The following FHIT variants were observed in gnomAD, a reference collection of about 807,000 sequenced individuals.
FHIT encodes the protein bis(5'-adenosyl)-triphosphatase.
Under a neutral mutation model 17.9 loss-of-function variants are expected in FHIT, and 19 were observed. The ratio of observed to expected loss-of-function variants is 1.06; its 90% CI spans 0.74 to 1.56. FHIT has a LOEUF of 1.56. FHIT is among the 40% of genes most tolerant of loss of function. The pLI is 0.00. For synonymous variants in FHIT, 81 were observed against 69.7 expected, an observed-to-expected ratio of 1.16 and a Z score of -0.81; for missense variants, 248 against 189.2, an observed-to-expected ratio of 1.31 and a Z score of -1.82.
chr3:61,136,827 A>G (rs766582437), intron 2 of FHIT, among the ~76,000 whole-genome samples: 1 of 152,232 alleles, frequency 6.6e-6, no homozygotes, highest in Non-Finnish European at 1.5e-5. Flanking sequence ...AGGAGAGGAC[A>G]ACATAGAAAC....
chr3:61,209,923 T>C (rs1051331370), intron 1 of FHIT, among the ~76,000 whole-genome samples: 14 of 152,320 alleles, frequency 9.2e-5, no homozygotes, highest in African/African-American at 3.4e-4. Flanking sequence ...CTGCTCTGTT[T>C]TTTCCCCATC....
At position 59,922,414 on chromosome 3, in the gene FHIT, G is replaced by A. The variant is rs1284563042; in HGVS notation, c.280C>T (p.His94Tyr). 2 of 1,612,540 alleles carry A rather than the reference G, an allele frequency of 1.2e-6. No individual in the cohort carries two copies. The highest frequency in any genetic ancestry group is 1.1e-5 in the South Asian group (1 of 90,966). Residue 94 changes from histidine to tyrosine, a missense_variant and splice_region_variant, in exon 8 of 10, where the codon CAC becomes TAC. By Grantham distance (83) the His-to-Tyr change is moderately conservative. Transcript: ENST00000492590. ...DGPEAGQTVK[H>Y]VHVHVLPRKA... Reference sequence around the variant, plus strand: ...CTGGGAAGAACATGGACGTGAACGTGCTGAAAATGTACAAGAAAGAAAAAA... The same window carrying A: ...CTGGGAAGAACATGGACGTGAACGTACTGAAAATGTACAAGAAAGAAAAAA...
At chr3:59,935,524 T>C (rs1006293210) in intron 7 of FHIT, among the ~76,000 whole-genome samples, 1 of 152,182 alleles carries the variant, frequency 6.6e-6, no homozygotes, top group African/African-American at 2.4e-5. Context: ...CTTCCACTAG[T>C]CTGGAACTCT....
chr3:61,246,876 A>T (rs986845055), intron 1 of FHIT, among the ~76,000 whole-genome samples: 2 of 152,218 alleles, frequency 1.3e-5, no homozygotes, highest in South Asian at 2.1e-4. Flanking sequence ...AAAAAAATTT[A>T]AAAAAAGAAA....
chr3:60,052,959 A>C (rs1406366322), intron 5 of FHIT, among the ~76,000 whole-genome samples: 3 of 151,976 alleles, frequency 2.0e-5, no homozygotes, highest in Non-Finnish European at 4.4e-5. Context: ...TAAAATATAA[A>C]ATTACACTTA....
In FHIT at chr3:60,009,164, TA is replaced by T. The variant is rs1362089203; in HGVS notation, c.279+2206del. Among the ~76,000 whole-genome samples the T allele has an allele frequency of 1.7e-3, 34 of 20,536 alleles. No individual in the cohort carries two copies. The East Asian group carries it at 0.1, about 61-fold the overall frequency. The allele number at this position is 20,536 out of a possible 152,430, so 13.5% of individuals were successfully genotyped here. A position where few individuals can be genotyped will look rare whatever the true frequency, so the allele number is the denominator to read the frequency against. ...GAACCTTCATTGTTCTCTGGGATTT[TA>T]TGTGTGTGTGTGTGTGTGTGTGTGT... On this transcript the variant is annotated intron_variant, in intron 7 of 9. Transcript: ENST00000492590.
At chr3:60,829,098 G>C (rs1702227131) in intron 3 of FHIT, among the ~76,000 whole-genome samples, 2 of 152,200 alleles carry the variant, frequency 1.3e-5, no homozygotes, top group East Asian at 3.9e-4. Flanking sequence ...CTACTGAATA[G>C]CTCAATTAAA....
chr3:61,177,050 G>A (rs1050640033), intron 2 of FHIT, among the ~76,000 whole-genome samples: 29 of 152,036 alleles, frequency 1.9e-4, no homozygotes, highest in Non-Finnish European at 4.1e-4. Context: ...GGCGGCGGGC[G>A]CCTGTAGTCC....
intron 4 of FHIT, among the ~76,000 whole-genome samples, chr3:60,817,916 T>C (rs1701795672): frequency 6.6e-6 from 1 of 152,024 alleles, no homozygotes; most frequent in Non-Finnish European, 1.5e-5. Flanking sequence ...GGTCCCTGAG[T>C]CTCTGTTTAT....
intron 5 of FHIT, among the ~76,000 whole-genome samples, chr3:60,303,668 C>A (rs544639564): frequency 2.3e-4 from 35 of 152,244 alleles, no homozygotes; most frequent in Non-Finnish European, 3.7e-4. Flanking sequence ...ATAAAGGTGC[C>A]ATAAGACAGC....
intron 4 of FHIT, among the ~76,000 whole-genome samples, chr3:60,792,861 T>G (rs1345041059): frequency 6.7e-6 from 1 of 150,008 alleles, no homozygotes; most frequent in Non-Finnish European, 1.5e-5. Flanking sequence ...TGAGAATTGA[T>G]GGTTTGTGTT....
intron 4 of FHIT, among the ~76,000 whole-genome samples, chr3:60,543,894 G>A (rs948528444): frequency 1.6e-5 from 2 of 124,850 alleles, no homozygotes; most frequent in Non-Finnish European, 3.2e-5. Context: ...ACAAGCGCCC[G>A]CACCACGCCC....
At chr3:60,834,850 G>C (rs1474710916) in intron 3 of FHIT, among the ~76,000 whole-genome samples, 4 of 146,066 alleles carry the variant, frequency 2.7e-5, no homozygotes, top group Non-Finnish European at 6.0e-5. Context: ...GGGGAACTGA[G>C]TGAGACACTG....
chr3:60,316,783 G>C (rs754391847), intron 5 of FHIT, among the ~76,000 whole-genome samples: 49 of 152,144 alleles, frequency 3.2e-4, no homozygotes, highest in Admixed American at 3.9e-4. Context: ...GAAAAGACTT[G>C]AAAAGACTTT....
chr3:60,102,808 A>G lies in FHIT; in HGVS notation c.104-88656T>C, dbSNP rs542802917. Among the ~76,000 whole-genome samples the G allele has an allele frequency of 4.6e-5, 7 of 152,256 alleles. No individual in the cohort carries two copies. In the South Asian group the frequency reaches 1.0e-3, roughly 23 times the overall value. ...TAACATAAAGAGAATGTGCAGGATAATTTTCAAAATAAAAGAGAAAAAAAT... is the reference window on the plus strand; with the variant it reads ...TAACATAAAGAGAATGTGCAGGATAGTTTTCAAAATAAAAGAGAAAAAAAT... On this transcript the variant is annotated intron_variant, in intron 5 of 9. Coordinates refer to ENST00000492590, the MANE Select transcript of FHIT (RefSeq NM_002012.4).
chr3:61,077,014 T>A (rs2034992104), intron 2 of FHIT, among the ~76,000 whole-genome samples: 1 of 152,156 alleles, frequency 6.6e-6, no homozygotes, highest in Admixed American at 6.5e-5. Flanking sequence ...ACAGGCAGGA[T>A]GAATGAGGCT....
At chr3:60,237,667 C>G (rs946490985) in intron 5 of FHIT, among the ~76,000 whole-genome samples, 2 of 152,182 alleles carry the variant, frequency 1.3e-5, no homozygotes, top group Admixed American at 6.5e-5. Flanking sequence ...AATTAAGAAA[C>G]TGCCCCATAC....
At position 60,806,495 on chromosome 3, in the gene FHIT, T is replaced by A. The variant is rs189904406; in HGVS notation, c.-18+15424A>T. Among the ~76,000 whole-genome samples the A allele has an allele frequency of 1.6e-3, 249 of 152,360 alleles. 3 individuals carry two copies. The highest frequency in any genetic ancestry group is 5.8e-3 in the African/African-American group (242 of 41,584). ...ATAATTCAAATTGCTGTTATCAGCA[T>A]ACACTATTTGTACTGATTTGACTTT... On this transcript the variant is annotated intron_variant, in intron 4 of 9. Coordinates refer to ENST00000492590, the MANE Select transcript of FHIT (RefSeq NM_002012.4).
chr3:60,316,081 A>G (rs1709152663), intron 5 of FHIT, among the ~76,000 whole-genome samples: 1 of 152,206 alleles, frequency 6.6e-6, no homozygotes. Context: ...GAAAAATCCT[A>G]TCAGGCAAAG....
Sources: gnomAD v4.1 joint callset for allele counts (sites outside exome capture counted in the v4.1 genomes callset) on GRCh38, gnomAD v4.1.1 for gene constraint, MANE v1.5 for transcripts, NCBI Gene and HGNC (gene_info 2026-07-23, HGNC 2026-07-21) for gene names.